CDCP1: variants seen among roughly 807,000 people sequenced by gnomAD.
CDCP1 encodes CUB domain containing protein 1, also known as CUB domain-containing protein 1.
Under a neutral mutation model 60.2 loss-of-function variants are expected in CDCP1, and 29 were observed. That is an observed-to-expected ratio of 0.48 (90% CI 0.36 to 0.66). CDCP1 has a LOEUF of 0.66. Ranked by LOEUF, CDCP1 falls within the 30% of genes least tolerant of loss-of-function variation. The probability of loss-of-function intolerance (pLI) is 0.00; values close to 1 mark genes in which losing one functional copy is unlikely to be tolerated. For missense variants in CDCP1, 876 were observed against 1,074.3 expected, an observed-to-expected ratio of 0.82 and a Z score of 2.58; for synonymous variants, 387 against 431.1, an observed-to-expected ratio of 0.90 and a Z score of 1.27.
intron 8 of CDCP1, among the ~76,000 whole-genome samples, chr3:45,088,641 G>A (rs1174066425): frequency 6.6e-6 from 1 of 152,204 alleles, no homozygotes; most frequent in African/African-American, 2.4e-5. Flanking sequence ...AGAAACTGCA[G>A]GAGAACAAGC....
chr3:45,110,414 A>G (rs1385608665), intron 4 of CDCP1, 59 bp downstream of exon 4: 2 of 1,586,174 alleles, frequency 1.3e-6, no homozygotes, highest in African/African-American at 2.7e-5. Context: ...CAGGCAGACT[A>G]CCCAGGAAAC....
intron 1 of CDCP1, among the ~76,000 whole-genome samples, chr3:45,127,710 C>A (rs1405661129): frequency 6.6e-6 from 1 of 152,216 alleles, no homozygotes; most frequent in Non-Finnish European, 1.5e-5. Context: ...CCTGCCAGGA[C>A]CTGCCAATTC....
chr3:45,115,184 T>A (rs2125999018), intron 2 of CDCP1, among the ~76,000 whole-genome samples: 1 of 113,744 alleles, frequency 8.8e-6, no homozygotes, highest in East Asian at 3.1e-4. Flanking sequence ...TGAGCTGTGG[T>A]CACCACTGCA....
intron 1 of CDCP1, among the ~76,000 whole-genome samples, chr3:45,134,497 T>C (rs775647428): frequency 7.2e-5 from 11 of 152,212 alleles, no homozygotes; most frequent in Non-Finnish European, 1.3e-4. Flanking sequence ...GGAGTGTGGG[T>C]GTATTGCCAT....
chr3:45,126,172 TTCCTTCTTTCTCTCTCTCTC>T (rs1698992867), intron 1 of CDCP1, among the ~76,000 whole-genome samples: 3 of 136,538 alleles, frequency 2.2e-5, no homozygotes, highest in South Asian at 2.4e-4. Flanking sequence ...CTTTCTTTCT[TTCCTTCTTTCTCTCTCTCTC>T]TCTTTCTTTC....
intron 1 of CDCP1, among the ~76,000 whole-genome samples, chr3:45,126,164 T>TTCCTTCTTTCTC: frequency 7.0e-6 from 1 of 143,222 alleles, no homozygotes; most frequent in African/African-American, 2.7e-5. Flanking sequence ...CTTTCTTTCT[T>TTCCTTCTTTCTC]TCTTTCTTTC....
rs756565709 is a variant in CDCP1 at position 45,095,510 on chromosome 3, T to C, written c.1083A>G (p.Pro361=). 1.9e-6 allele frequency: 3 copies of C among 1,614,042 alleles called. No individual in the cohort carries two copies. The African/African-American group carries it at 4.0e-5, about 22-fold the overall frequency. Residue 361 remains proline (P), a synonymous_variant, in exon 5 of 9, where the codon CCA becomes CCG. Transcript: ENST00000296129. ...ACTTGCGGCTCTGTTTGACGGGCCG[T>C]GGCTCGATGGTGAGTGACATGGCTC... is the stretch of plus-strand genomic sequence containing the variant. ...NERAMSLTIE[P]RPVKQSRKFV...
intron 2 of CDCP1, among the ~76,000 whole-genome samples, chr3:45,117,597 C>CTT (rs576166067): frequency 1.1e-4 from 15 of 139,918 alleles, no homozygotes; most frequent in East Asian, 4.1e-4. Context: ...TCCTCAACTT[C>CTT]TTTTTTTTTT....
At chr3:45,111,693 A>C (rs952824191) in intron 3 of CDCP1, among the ~76,000 whole-genome samples, 6 of 152,192 alleles carry the variant, frequency 3.9e-5, no homozygotes, top group Non-Finnish European at 8.8e-5. Context: ...CAAAAACAAA[A>C]ATAAAAACAA....
In CDCP1 at chr3:45,085,622, T is replaced by C. The variant is rs1698174288; in HGVS notation, c.*16A>G. On this transcript the variant is annotated 3_prime_UTR_variant, in exon 9 of 9. Coordinates refer to ENST00000296129, the MANE Select transcript of CDCP1 (RefSeq NM_022842.5). The surrounding 1 kb of genome is among the most constrained non-coding windows in gnomAD (Gnocchi z 4.2). ...CTGCTTTATGAAACTCAGCAAAGCG[T>C]CTGGAATGGATCAAGTTATTCTGCT... The C allele has an allele frequency of 6.2e-7, 1 of 1,602,022 alleles. No individual in the cohort carries two copies. The highest frequency in any genetic ancestry group is 1.3e-5 in the African/African-American group (1 of 74,606).
chr3:45,134,998 A>T (rs1699169023), intron 1 of CDCP1, among the ~76,000 whole-genome samples: 1 of 152,248 alleles, frequency 6.6e-6, no homozygotes, highest in Non-Finnish European at 1.5e-5. Context: ...TACATTCACA[A>T]GGGTGACTGC....
intron 4 of CDCP1, among the ~76,000 whole-genome samples, chr3:45,100,627 C>A (rs1023074924): frequency 6.6e-6 from 1 of 152,128 alleles, no homozygotes. Flanking sequence ...TTTTTCCTTT[C>A]TATTTCTCTT....
At chr3:45,105,312 A>G (rs1224608286) in intron 4 of CDCP1, among the ~76,000 whole-genome samples, 1 of 152,212 alleles carries the variant, frequency 6.6e-6, no homozygotes, top group Non-Finnish European at 1.5e-5. Context: ...GGACAAATTT[A>G]AGACTCATGG....
chr3:45,086,458 T>C (rs563406399), intron 8 of CDCP1, among the ~76,000 whole-genome samples: 1 of 152,346 alleles, frequency 6.6e-6, no homozygotes, highest in African/African-American at 2.4e-5. Context: ...TCAGGCTCAG[T>C]CATGCCTAGG....
At position 45,085,559 on chromosome 3, in the gene CDCP1, G is replaced by T. The variant is rs1698173259; in HGVS notation, c.*79C>A. ...CTTCTGTATAATTCCTCTTCTTTAG[G>T]ATTTCTGGTTAGGAACACGGACGGG... On this transcript the variant is annotated 3_prime_UTR_variant, in exon 9 of 9. Transcript: ENST00000296129. The surrounding 1 kb of genome is among the most constrained non-coding windows in gnomAD (Gnocchi z 4.2). 2.0e-5 allele frequency: 28 copies of T among 1,413,582 alleles called. No individual in the cohort carries two copies. In the South Asian group the frequency reaches 3.8e-4, roughly 19 times the overall value. 87.6% of individuals were successfully genotyped at this position (1,413,582 alleles called of 1,614,324 possible). A position where few individuals can be genotyped will look rare whatever the true frequency, so the allele number is the denominator to read the frequency against.
intron 4 of CDCP1, among the ~76,000 whole-genome samples, chr3:45,108,436 TA>T (rs760642827): frequency 5.3e-5 from 8 of 152,276 alleles, no homozygotes; most frequent in Non-Finnish European, 8.8e-5. Flanking sequence ...TGATGCTGTT[TA>T]TAGCACGTTT....
chr3:45,106,094 C>T (rs1474677905), intron 4 of CDCP1, among the ~76,000 whole-genome samples: 1 of 152,172 alleles, frequency 6.6e-6, no homozygotes, highest in African/African-American at 2.4e-5. Flanking sequence ...TACAGGAGTT[C>T]TCTGGGTCTA....
chr3:45,091,339 C>G lies in CDCP1; in HGVS notation c.1827G>C (p.Gln609His). 2 of 1,614,186 alleles carry G rather than the reference C, an allele frequency of 1.2e-6. No homozygotes were observed. Among genetic ancestry groups the G allele is most frequent in the South Asian group, 2.2e-5 (2 of 91,080 alleles). Residue 609 changes from glutamine (Q) to histidine (H), a missense_variant, in exon 7 of 9, where the codon CAG becomes CAC. By Grantham distance (24) the Gln-to-His change is conservative. Coordinates refer to ENST00000296129, the MANE Select transcript of CDCP1 (RefSeq NM_022842.5). The surrounding 1 kb of genome is among the most constrained non-coding windows in gnomAD (Gnocchi z 4.8). ...CQTGRAFMII[Q>H]EQRTRAEEIF... ...TCTCCTCAGCCCGGGTCCGCTGCTCCTGGATGATCATGAATGCGCGCCCTG... is the reference window on the plus strand; with the variant it reads ...TCTCCTCAGCCCGGGTCCGCTGCTCGTGGATGATCATGAATGCGCGCCCTG...
rs1698178118 is a variant in CDCP1, at chr3:45,085,736, GT to G, written c.2412del (p.Glu804AspfsTer13). The G allele has an allele frequency of 6.2e-7, 1 of 1,614,044 alleles. No homozygotes were observed. Among genetic ancestry groups the G allele is most frequent in the Non-Finnish European group, 8.5e-7 (1 of 1,180,038 alleles). The stretch of plus-strand genomic sequence containing the variant: ...TTGTTGGGATGGGAGAAGGTGTACG[GT>G]TCACTCTCAGACTCAGGAGGGGAGC... ...PPRSPPESES[E>X]PYTFSHPNNG... On this transcript the variant is annotated frameshift_variant, in exon 9 of 9. Transcript: ENST00000296129. LOFTEE classifies it low-confidence loss of function (END_TRUNC). The surrounding 1 kb of genome is among the most constrained non-coding windows in gnomAD (Gnocchi z 4.2).
Sources: allele counts gnomAD v4.1 joint callset (sites outside exome capture counted in the v4.1 genomes callset), GRCh38; gene constraint gnomAD v4.1.1; non-coding constraint Gnocchi (gnomAD v3.1); transcripts MANE v1.5; gene names NCBI Gene and HGNC (gene_info 2026-07-23, HGNC 2026-07-21).